NKAIN2: variants seen among roughly 807,000 people sequenced by gnomAD.
NKAIN2 encodes sodium/potassium-transporting ATPase subunit beta-1-interacting protein 2.
Under a neutral mutation model 32.6 loss-of-function variants are expected in NKAIN2, and 14 were observed. The observed-to-expected ratio is 0.43, with a 90% CI of 0.28 to 0.67. NKAIN2 has a LOEUF of 0.67. Among genes scored for constraint, NKAIN2 ranks in the 30% least tolerant of loss-of-function variants. NKAIN2 has a pLI of 0.17. For synonymous variants in NKAIN2, 80 were observed against 87.2 expected (o/e 0.92, Z 0.46); for missense variants, 198 against 258.3 (o/e 0.77, Z 1.60).
At chr6:123,963,576 A>C (rs529821456) in intron 1 of NKAIN2, among the ~76,000 whole-genome samples, 1 of 152,334 alleles carries the variant, frequency 6.6e-6, no homozygotes, top group South Asian at 2.1e-4. Context: ...TGGTATTGTT[A>C]TGAAGATTAA....
chr6:123,892,888 G>T (rs538933782), intron 1 of NKAIN2, among the ~76,000 whole-genome samples: 2 of 151,354 alleles, frequency 1.3e-5, no homozygotes, highest in South Asian at 4.2e-4. Flanking sequence ...CAAATTTCTT[G>T]CCTTGATATT....
At position 124,706,879 on chromosome 6, in the gene NKAIN2, T is replaced by C. The variant is rs537004456; in HGVS notation, c.474+48493T>C. Among the ~76,000 whole-genome samples, 4 of 152,284 alleles carry C rather than the reference T, an allele frequency of 2.6e-5. No homozygotes were observed. The East Asian group carries it at 7.7e-4, about 29-fold the overall frequency. On this transcript the variant is annotated intron_variant, in intron 4 of 6. Transcript: ENST00000368417. ...ATTATACTTTAAGTTTTAGGGTACA[T>C]GTACACATTGTGCAGGTTAGTTACA...
chr6:124,484,717 A>G (rs1777584384), intron 3 of NKAIN2, among the ~76,000 whole-genome samples: 1 of 152,176 alleles, frequency 6.6e-6, no homozygotes, highest in Non-Finnish European at 1.5e-5. Context: ...CCTCCAGGAC[A>G]TGGTTTTTCA....
chr6:124,575,923 T>C (rs540828241), intron 3 of NKAIN2, among the ~76,000 whole-genome samples: 2 of 152,316 alleles, frequency 1.3e-5, no homozygotes, highest in East Asian at 3.9e-4. Context: ...AGTGTTGACA[T>C]GTGCATTGAA....
chr6:124,362,005 A>G (rs1164052652), intron 3 of NKAIN2, among the ~76,000 whole-genome samples: 1 of 152,142 alleles, frequency 6.6e-6, no homozygotes, highest in Non-Finnish European at 1.5e-5. Flanking sequence ...GCAGAGAAAT[A>G]TGCTGTAATC....
chr6:123,976,298 C>CATAT (rs1233600464), intron 1 of NKAIN2, among the ~76,000 whole-genome samples: 1 of 58,552 alleles, frequency 1.7e-5, no homozygotes, highest in Non-Finnish European at 3.8e-5. Flanking sequence ...TATATGTTTC[C>CATAT]ATATATATGT....
chr6:124,130,831 A>T (rs539638995), intron 1 of NKAIN2, among the ~76,000 whole-genome samples: 1 of 152,278 alleles, frequency 6.6e-6, no homozygotes, highest in African/African-American at 2.4e-5. Flanking sequence ...CCAGGTCATG[A>T]TGGATAGAAA....
intron 1 of NKAIN2, among the ~76,000 whole-genome samples, chr6:123,900,837 C>T (rs1199028205): frequency 2.0e-5 from 3 of 151,880 alleles, no homozygotes; most frequent in Non-Finnish European, 4.4e-5. Context: ...GACATGGCTA[C>T]CTCAGACTTG....
At chr6:124,325,554 A>G (rs962150209) in intron 2 of NKAIN2, among the ~76,000 whole-genome samples, 1 of 152,176 alleles carries the variant, frequency 6.6e-6, no homozygotes, top group African/African-American at 2.4e-5. Flanking sequence ...CATAAAAAAT[A>G]ATACAATAAA....
chr6:124,132,460 G>C (rs1020456481), intron 1 of NKAIN2, among the ~76,000 whole-genome samples: 3 of 152,224 alleles, frequency 2.0e-5, no homozygotes, highest in African/African-American at 7.2e-5. Flanking sequence ...CACAGCTGGT[G>C]CTCTCTTGAA....
intron 1 of NKAIN2, among the ~76,000 whole-genome samples, chr6:123,833,542 CT>C (rs570242326): frequency 4.9e-4 from 74 of 152,180 alleles, no homozygotes; most frequent in South Asian, 1.2e-3. Context: ...ACATTGTTTC[CT>C]ATTCCTATTC....
chr6:124,172,585 A>C (rs965735683), intron 1 of NKAIN2, among the ~76,000 whole-genome samples: 27 of 152,184 alleles, frequency 1.8e-4, no homozygotes, highest in African/African-American at 6.5e-4. Context: ...GGAAGGAAGT[A>C]TATATTCTTG....
chr6:124,298,783 G>A (rs1018445008), intron 2 of NKAIN2, among the ~76,000 whole-genome samples: 1 of 152,116 alleles, frequency 6.6e-6, no homozygotes, highest in African/African-American at 2.4e-5. Flanking sequence ...TATCAGTGGG[G>A]ATGCTATCAT....
At chr6:124,073,774 A>G (rs1192169609) in intron 1 of NKAIN2, among the ~76,000 whole-genome samples, 4 of 152,106 alleles carry the variant, frequency 2.6e-5, no homozygotes, top group African/African-American at 4.8e-5. Flanking sequence ...ACGATTAAAT[A>G]ACCCTCTAGC....
At chr6:124,019,068 G>A (rs1159508980) in intron 1 of NKAIN2, among the ~76,000 whole-genome samples, 2 of 152,086 alleles carry the variant, frequency 1.3e-5, no homozygotes, top group Non-Finnish European at 2.9e-5. Flanking sequence ...GAGTGTGAAG[G>A]AGAACTCCCC....
intron 4 of NKAIN2, among the ~76,000 whole-genome samples, chr6:124,729,585 A>G (rs1171214654): frequency 3.3e-5 from 5 of 151,576 alleles, no homozygotes; most frequent in Non-Finnish European, 5.9e-5. Context: ...ATCTATGACA[A>G]AACCACAGCC....
chr6:124,408,442 A>T (rs976046338), intron 3 of NKAIN2, among the ~76,000 whole-genome samples: 17 of 152,302 alleles, frequency 1.1e-4, no homozygotes, highest in African/African-American at 3.8e-4. Flanking sequence ...AGCACCATTT[A>T]TTAAATAGGG....
chr6:124,585,903 T>C (rs1781696211), intron 3 of NKAIN2, among the ~76,000 whole-genome samples: 1 of 152,188 alleles, frequency 6.6e-6, no homozygotes, highest in African/African-American at 2.4e-5. Context: ...GTGCTTTCAT[T>C]GTCTAATTAT....
At chr6:124,283,410 G>T in intron 2 of NKAIN2, 1 of 249,938 alleles carries the variant, frequency 4.0e-6, no homozygotes, top group Non-Finnish European at 7.7e-6. Flanking sequence ...GCCAAACTGT[G>T]TTTCTATGTT....
Sources: gnomAD v4.1 joint callset for allele counts (sites outside exome capture counted in the v4.1 genomes callset) on GRCh38, gnomAD v4.1.1 for gene constraint, MANE v1.5 for transcripts, NCBI Gene and HGNC (gene_info 2026-07-23, HGNC 2026-07-21) for gene names.